ENG: variants seen among roughly 807,000 people sequenced by gnomAD.
The protein encoded by ENG is endoglin, also known as CD105 antigen.
ENG carries 17 observed loss-of-function variants against 71.0 expected under a neutral mutation model. The observed-to-expected ratio is 0.24, with a 90% CI of 0.16 to 0.36. The LOEUF (loss-of-function observed/expected upper bound fraction) is 0.36, where lower values mean the gene tolerates loss of function less well. ENG is among the 10% of genes least tolerant of loss of function. The probability of loss-of-function intolerance (pLI) is 1.00; values close to 1 mark genes in which losing one functional copy is unlikely to be tolerated. For missense variants in ENG, 749 were observed against 868.3 expected (o/e 0.86, Z 1.73); for synonymous variants, 360 against 366.9 (o/e 0.98, Z 0.21).
intron 2 of ENG, 113 bp from the exon 3 acceptor site, chr9:127,829,940 T>A (rs1830723497): frequency 1.4e-6 from 2 of 1,467,874 alleles, no homozygotes; most frequent in Non-Finnish European, 1.9e-6. Context: ...CTGCCTGCTC[T>A]GTCCACCCTC....
intron 2 of ENG, among the ~76,000 whole-genome samples, chr9:127,834,431 A>G (rs142111515): frequency 7.2e-4 from 109 of 151,060 alleles, no homozygotes; most frequent in African/African-American, 2.6e-3. Flanking sequence ...TTTTTTTGAG[A>G]TGGAGTCTTG....
intron 1 of ENG, among the ~76,000 whole-genome samples, chr9:127,848,899 G>T (rs111606607): frequency 5.3e-5 from 8 of 152,146 alleles, no homozygotes; most frequent in African/African-American, 1.9e-4. Context: ...TCAGTTCTTT[G>T]TCCTCCATTT....
chr9:127,842,569 C>T (rs374271072), intron 2 of ENG, among the ~76,000 whole-genome samples: 83 of 152,112 alleles, frequency 5.5e-4, no homozygotes, highest in African/African-American at 1.5e-3. Flanking sequence ...GGATTACAGG[C>T]GCTCACCACC....
intron 8 of ENG, among the ~76,000 whole-genome samples, chr9:127,821,911 G>A (rs1470978342): frequency 2.7e-5 from 4 of 147,426 alleles, no homozygotes; most frequent in East Asian, 2.0e-4. Flanking sequence ...AAAGCCAGGC[G>A]TGGTGGTGCA....
chr9:127,842,078 G>A (rs1472720893), intron 2 of ENG, among the ~76,000 whole-genome samples: 1 of 152,184 alleles, frequency 6.6e-6, no homozygotes, highest in Non-Finnish European at 1.5e-5. Context: ...ACAAACTGAT[G>A]GTGGGCTGGG....
At position 127,854,465 on chromosome 9, in the gene ENG, G is replaced by A; in HGVS notation, c.-110C>T. 1 of 1,231,822 alleles carries A rather than the reference G, an allele frequency of 8.1e-7. No individual in the cohort carries two copies. The highest frequency in any genetic ancestry group is 1.1e-6 in the Non-Finnish European group (1 of 892,624). 76.3% of individuals were successfully genotyped at this position (1,231,822 alleles called of 1,614,324 possible). A position where few individuals can be genotyped will look rare whatever the true frequency, so the allele number is the denominator to read the frequency against. Reference sequence around the variant, plus strand: ...TCGCACGGGGACCCGAGGGGAGCAGGCGGCCGGAGCGACGGCGTCCCTGCT... The same window carrying A: ...TCGCACGGGGACCCGAGGGGAGCAGACGGCCGGAGCGACGGCGTCCCTGCT... On this transcript the variant is annotated 5_prime_UTR_variant, in exon 1 of 15. Coordinates refer to ENST00000373203, the MANE Select transcript of ENG (RefSeq NM_001114753.3).
chr9:127,828,488 C>G (rs909652308), intron 3 of ENG, among the ~76,000 whole-genome samples: 3 of 152,166 alleles, frequency 2.0e-5, no homozygotes, highest in African/African-American at 7.2e-5. Flanking sequence ...GCGGCCGAGG[C>G]CAGAGCCGGC....
At chr9:127,834,362 C>T (rs564320247) in intron 2 of ENG, among the ~76,000 whole-genome samples, 16 of 150,182 alleles carry the variant, frequency 1.1e-4, no homozygotes, top group Admixed American at 3.3e-4. Context: ...CTCAGCCTCC[C>T]GAGCAGCTGG....
Position 127,815,551 on chromosome 9 carries a change from G to A in ENG, c.*131C>T, listed in dbSNP as rs1588571719. On this transcript the variant is annotated 3_prime_UTR_variant, in exon 15 of 15. Transcript: ENST00000373203. The stretch of plus-strand genomic sequence containing the variant: ...CAGCAGGCCTCTGAGAGGGAGGCGG[G>A]AAGGGTAGGCGCGGAGAGCAGGCTC... The A allele has an allele frequency of 6.9e-7, 1 of 1,442,408 alleles. No homozygotes were observed. The highest frequency in any genetic ancestry group is 1.4e-5 in the South Asian group (1 of 69,242). The allele number at this position is 1,442,408 out of a possible 1,614,324, so 89.4% of individuals were successfully genotyped here.
intron 3 of ENG, 108 bp downstream of exon 3, chr9:127,829,579 A>G: frequency 7.0e-7 from 1 of 1,431,090 alleles, no homozygotes; most frequent in Non-Finnish European, 9.6e-7. Flanking sequence ...GATGAAAGGG[A>G]GAAGCAGGGC....
intron 1 of ENG, among the ~76,000 whole-genome samples, chr9:127,847,776 C>G (rs756387155): frequency 6.6e-6 from 1 of 152,138 alleles, no homozygotes; most frequent in African/African-American, 2.4e-5. Flanking sequence ...TCAGTACCCC[C>G]GGGCCACTCT....
intron 2 of ENG, among the ~76,000 whole-genome samples, chr9:127,833,442 A>G (rs566090200): frequency 7.0e-6 from 1 of 143,342 alleles, no homozygotes; most frequent in East Asian, 2.1e-4. Flanking sequence ...AATCGCTTGA[A>G]CCCCAGGAGG....
At position 127,818,142 on chromosome 9, in the gene ENG, G is replaced by T. The variant is rs1830375831; in HGVS notation, c.1664C>A (p.Pro555His). The part of the protein sequence containing the change: ...GTLSCTVALR[P>H]KTGSQDQEVH... ...CACCTGGTCTTGAGACCCGGTCTTG[G>T]GACGCAGGGCTACCGTGCAGCTGAG... Residue 555 changes from proline to histidine, a missense_variant, in exon 12 of 15, where the codon CCC becomes CAC. Physicochemically the swap from Pro to His is moderately conservative, Grantham distance 77. Transcript: ENST00000373203. 1 of 1,614,076 alleles carries T rather than the reference G, an allele frequency of 6.2e-7. No individual in the cohort carries two copies. Among genetic ancestry groups the T allele is most frequent in the African/African-American group, 1.3e-5 (1 of 74,944 alleles).
At chr9:127,844,275 A>G (rs1831118731) in intron 1 of ENG, among the ~76,000 whole-genome samples, 1 of 150,934 alleles carries the variant, frequency 6.6e-6, no homozygotes, top group Non-Finnish European at 1.5e-5. Context: ...ACAGGCATGC[A>G]CCACCATGCC....
intron 2 of ENG, among the ~76,000 whole-genome samples, chr9:127,841,738 G>A (rs1393647784): frequency 2.0e-5 from 3 of 152,214 alleles, no homozygotes; most frequent in Non-Finnish European, 4.4e-5. Context: ...CGGGACCAAA[G>A]GCCACATCAA....
At chr9:127,821,181 C>T (rs1830458762) in intron 8 of ENG, 1 of 152,232 alleles carries the variant, frequency 6.6e-6, no homozygotes, top group Non-Finnish European at 1.5e-5. Flanking sequence ...CCTGTAATCC[C>T]AGCACTTTGG....
Position 127,846,864 on chromosome 9 carries a change from C to G in ENG, c.68-3619G>C. On this transcript the variant is annotated intron_variant, in intron 1 of 14. Transcript: ENST00000373203. The surrounding 1 kb of genome is among the most constrained non-coding windows in gnomAD (Gnocchi z 5.5). ...AAGTGAGAGACCCAGAAGCCACCTC[C>G]CACCACTGTCCCCTCTCCACCCTCG... The G allele has an allele frequency of 1.0e-6, 1 of 985,548 alleles. No individual in the cohort carries two copies. 61.1% of individuals were successfully genotyped at this position (985,548 alleles called of 1,614,324 possible).
intron 2 of ENG, among the ~76,000 whole-genome samples, 160 bp downstream of exon 2, chr9:127,842,932 CCT>C (rs935244145): frequency 6.6e-5 from 10 of 152,290 alleles, no homozygotes; most frequent in Non-Finnish European, 1.2e-4. Context: ...AGAAATGCCA[CCT>C]CTTATGGGCC....
chr9:127,820,828 C>G (rs1396034857), intron 8 of ENG, among the ~76,000 whole-genome samples: 1 of 142,288 alleles, frequency 7.0e-6, no homozygotes, highest in Non-Finnish European at 1.6e-5. Flanking sequence ...GACTCCGTCT[C>G]AAAAAAAAAA....
Sources: gnomAD v4.1 joint callset for allele counts (sites outside exome capture counted in the v4.1 genomes callset) on GRCh38, gnomAD v4.1.1 for gene constraint, Gnocchi (gnomAD v3.1) non-coding constraint, MANE v1.5 for transcripts, NCBI Gene and HGNC (gene_info 2026-07-23, HGNC 2026-07-21) for gene names.